The following CORIN variants were observed in gnomAD, a reference collection of about 807,000 sequenced individuals.
The protein encoded by CORIN is atrial natriuretic peptide-converting enzyme.
A neutral mutation model predicts 125.3 loss-of-function variants in CORIN; 117 were observed. The observed-to-expected ratio is 0.93, with a 90% CI of 0.80 to 1.09. The LOEUF (loss-of-function observed/expected upper bound fraction) is 1.09. Among genes scored for constraint, CORIN ranks in the 50% least tolerant of loss-of-function variants. The probability of loss-of-function intolerance (pLI) is 0.00; values close to 1 mark genes in which losing one functional copy is unlikely to be tolerated. For missense variants in CORIN, 1,253 were observed against 1,306.7 expected, an observed-to-expected ratio of 0.96 and a Z score of 0.63; for synonymous variants, 450 against 466.4, an observed-to-expected ratio of 0.96 and a Z score of 0.45.
chr4:47,643,323 C>A, intron 14 of CORIN, 67 bp from the exon 15 acceptor site: 1 of 1,381,454 alleles, frequency 7.2e-7, no homozygotes, highest in Non-Finnish European at 1.0e-6. Context: ...CACTAACATG[C>A]ATATCTTCAT....
intron 5 of CORIN, among the ~76,000 whole-genome samples, chr4:47,737,100 G>C (rs1327251486): frequency 1.3e-5 from 2 of 152,168 alleles, no homozygotes; most frequent in African/African-American, 4.8e-5. Flanking sequence ...AAGGAGGAAG[G>C]GAATATAGTA....
intron 5 of CORIN, among the ~76,000 whole-genome samples, chr4:47,736,236 T>C (rs895415905): frequency 6.6e-6 from 1 of 152,180 alleles, no homozygotes; most frequent in Admixed American, 6.5e-5. Flanking sequence ...CTATATACTA[T>C]CTTTTGGAGG....
At chr4:47,785,890 A>G (rs1730772211) in intron 3 of CORIN, among the ~76,000 whole-genome samples, 1 of 139,796 alleles carries the variant, frequency 7.2e-6, no homozygotes, top group Non-Finnish European at 1.5e-5. Flanking sequence ...CCAGACTAGG[A>G]GACAGAGAGA....
At chr4:47,812,320 A>C (rs1732097279) in intron 1 of CORIN, among the ~76,000 whole-genome samples, 1 of 152,100 alleles carries the variant, frequency 6.6e-6, no homozygotes. Context: ...CAATATAGTG[A>C]GACCTCATTC....
At chr4:47,824,701 C>A (rs1381379087) in intron 1 of CORIN, among the ~76,000 whole-genome samples, 1 of 152,046 alleles carries the variant, frequency 6.6e-6, no homozygotes, top group Non-Finnish European at 1.5e-5. Context: ...CAGAAGAGGG[C>A]AGAATAAAAA....
At chr4:47,620,782 C>G (rs1239064152) in intron 19 of CORIN, among the ~76,000 whole-genome samples, 1 of 152,198 alleles carries the variant, frequency 6.6e-6, no homozygotes, top group Non-Finnish European at 1.5e-5. Context: ...TCACTTCCTG[C>G]CCGCACCAAC....
At chr4:47,623,205 G>A (rs12332061) in intron 19 of CORIN, among the ~76,000 whole-genome samples, 40,590 of 150,822 alleles carry the variant, frequency 0.27, 5,596 homozygotes, top group Admixed American at 0.35. Context: ...CACCAGTTGC[G>A]CCTGCATCCA....
rs768827492 is a variant in CORIN at position 47,623,617 on chromosome 4, G to A, written c.2494C>T (p.Leu832Phe). Residue 832 changes from leucine to phenylalanine, a missense_variant, in exon 19 of 22, where the codon CTC becomes TTC. Coordinates refer to ENST00000273857, the MANE Select transcript of CORIN (RefSeq NM_006587.4). The part of the protein sequence containing the change: ...EPSGHICGCV[L>F]IAKKWVLTVA... ...GTCAGAACCCACTTCTTGGCAATGA[G>A]GACACAGCCACAGATATGTCCACTG... is the stretch of plus-strand genomic sequence containing the variant. 1.7e-5 allele frequency: 28 copies of A among 1,614,062 alleles called. No homozygotes were observed. The highest frequency in any genetic ancestry group is 2.1e-5 in the Non-Finnish European group (25 of 1,180,018).
At chr4:47,658,461 CTA>C (rs1724090985) in intron 12 of CORIN, among the ~76,000 whole-genome samples, 2 of 152,246 alleles carry the variant, frequency 1.3e-5, no homozygotes, top group African/African-American at 4.8e-5. Context: ...GGGCAGAAGC[CTA>C]CTTCCCACAG....
At chr4:47,630,560 C>T (rs1416029466) in intron 16 of CORIN, among the ~76,000 whole-genome samples, 3 of 152,086 alleles carry the variant, frequency 2.0e-5, no homozygotes, top group Non-Finnish European at 2.9e-5. Context: ...GATTCATACA[C>T]GGAGAAGGAA....
At position 47,613,223 on chromosome 4, in the gene CORIN, A is replaced by C. The variant is rs1721936967; in HGVS notation, c.2541-9555T>G. Among the ~76,000 whole-genome samples, 3 of 152,174 alleles carry C rather than the reference A, an allele frequency of 2.0e-5. No individual in the cohort carries two copies. In the South Asian group the frequency reaches 6.2e-4, roughly 32 times the overall value. ...TAATCCCAGCACTTTGGGAGGCTAA[A>C]GCGGGCAGATCACGAGGTCAGGAGT... On this transcript the variant is annotated intron_variant, in intron 19 of 21. Coordinates refer to ENST00000273857, the MANE Select transcript of CORIN (RefSeq NM_006587.4).
intron 16 of CORIN, among the ~76,000 whole-genome samples, chr4:47,628,797 T>C (rs1722687756): frequency 6.6e-6 from 1 of 152,198 alleles, no homozygotes; most frequent in Admixed American, 6.5e-5. Context: ...AATTTCCTTC[T>C]AAGAATACTG....
chr4:47,725,921 ACCCCCCACT>A (rs1727571062), intron 5 of CORIN, among the ~76,000 whole-genome samples: 1 of 151,042 alleles, frequency 6.6e-6, no homozygotes, highest in Non-Finnish European at 1.5e-5. Context: ...ACATCAAACA[ACCCCCCACT>A]CCTGCCATAA....
chr4:47,596,956 A>C (rs957353194), intron 21 of CORIN, among the ~76,000 whole-genome samples: 7 of 152,176 alleles, frequency 4.6e-5, no homozygotes, highest in African/African-American at 1.7e-4. Context: ...ATTCATTGGC[A>C]GAGGCTAGAT....
In CORIN at chr4:47,665,115, A is replaced by G; in HGVS notation, c.1506T>C (p.Cys502=). 6.2e-7 allele frequency: 1 copy of G among 1,613,920 alleles called. No individual in the cohort carries two copies. The highest frequency in any genetic ancestry group is 8.5e-7 in the Non-Finnish European group (1 of 1,179,846). The change falls in exon 11 of 22, where the codon TGT becomes TGC. Residue 502 remains cysteine, a synonymous_variant. Transcript: ENST00000273857. ...AAGAAAAGAACATGAGGTATTTATA[A>G]CAGTTGGTTTGAACAAGTGCAGGGA... ...SLFPALVQTN[C]YKYLMFFSCT... is the part of the protein sequence containing the mutation.
intron 14 of CORIN, 152 bp downstream of exon 14, chr4:47,644,929 A>C: frequency 2.0e-6 from 1 of 511,466 alleles, no homozygotes. Context: ...GCTTCTTAGA[A>C]TATGTCTTTA....
At chr4:47,605,482 C>T (rs1303909671) in intron 19 of CORIN, among the ~76,000 whole-genome samples, 1 of 152,124 alleles carries the variant, frequency 6.6e-6, no homozygotes, top group East Asian at 1.9e-4. Context: ...CCAGAGTGGT[C>T]AGGATAAAAA....
chr4:47,787,075 G>C (rs551744160), intron 2 of CORIN, 150 bp from the exon 3 acceptor site: 4 of 630,956 alleles, frequency 6.3e-6, no homozygotes, highest in Non-Finnish European at 1.1e-5. Flanking sequence ...AGCCGTAATA[G>C]TGACCTCCTT....
chr4:47,826,249 C>T (rs953387875), intron 1 of CORIN, among the ~76,000 whole-genome samples: 1 of 152,220 alleles, frequency 6.6e-6, no homozygotes, highest in Admixed American at 6.5e-5. Context: ...TAAGACTCTG[C>T]AGCCAGGGCA....
Sources: allele counts gnomAD v4.1 joint callset (sites outside exome capture counted in the v4.1 genomes callset), GRCh38; gene constraint gnomAD v4.1.1; transcripts MANE v1.5; gene names NCBI Gene and HGNC (gene_info 2026-07-23, HGNC 2026-07-21).